Variants in CSMD3 observed in about 807,000 individuals in gnomAD.
CSMD3 encodes the protein CUB and sushi domain-containing protein 3.
CSMD3 carries 177 observed loss-of-function variants against 435.2 expected under a neutral mutation model. The observed-to-expected ratio is 0.41, with a 90% confidence interval of 0.36 to 0.46. The LOEUF (loss-of-function observed/expected upper bound fraction) is 0.46. CSMD3 is among the 20% of genes least tolerant of loss of function. The pLI, the probability that CSMD3 is intolerant of heterozygous loss-of-function variation, is 0.34. For missense variants in CSMD3, 4,265 were observed against 4,504.6 expected (o/e 0.95, Z 1.52); for synonymous variants, 1,656 against 1,520.5 (o/e 1.09, Z -2.07).
intron 13 of CSMD3, among the ~76,000 whole-genome samples, chr8:112,797,741 C>T (rs1325660059): frequency 1.3e-5 from 2 of 151,676 alleles, no homozygotes; most frequent in Non-Finnish European, 3.0e-5. Context: ...AAACTATGTG[C>T]ACATCAAAAT....
chr8:113,155,128 A>C (rs2131808292), intron 4 of CSMD3, among the ~76,000 whole-genome samples: 1 of 152,208 alleles, frequency 6.6e-6, no homozygotes, highest in South Asian at 2.1e-4. Flanking sequence ...ACTGTAAAGC[A>C]ACAAGTAAAG....
intron 10 of CSMD3, among the ~76,000 whole-genome samples, chr8:112,894,425 A>T (rs1467502741): frequency 6.6e-6 from 1 of 151,366 alleles, no homozygotes; most frequent in Non-Finnish European, 1.5e-5. Flanking sequence ...GTATAAAAAT[A>T]AAAGATAATA....
rs905641982 is a variant in CSMD3, at chr8:112,882,297, T to C, written c.1634-23031A>G. Among the ~76,000 whole-genome samples the C allele has an allele frequency of 9.2e-5, 14 of 151,972 alleles. 1 individual carries two copies. The highest frequency in any genetic ancestry group is 4.4e-5 in the Non-Finnish European group (3 of 67,950). On this transcript the variant is annotated intron_variant, in intron 10 of 70. Coordinates refer to ENST00000297405, the MANE Select transcript of CSMD3 (RefSeq NM_198123.2). ...TCTCCCCAGGTAGCTTCCTTCACCC[T>C]GACAATGTAAATTAACAGCTTCTCT...
chr8:112,597,060 A>G (rs1831799786), intron 22 of CSMD3, among the ~76,000 whole-genome samples: 1 of 152,196 alleles, frequency 6.6e-6, no homozygotes. Context: ...AGTCTTCAAA[A>G]AATTAATGAA....
At chr8:112,976,917 G>T (rs959387723) in intron 6 of CSMD3, among the ~76,000 whole-genome samples, 3 of 151,890 alleles carry the variant, frequency 2.0e-5, no homozygotes, top group African/African-American at 7.2e-5. Flanking sequence ...TTAACAATTG[G>T]TTGGGAATTT....
rs1292062898 is a variant in CSMD3, at chr8:112,702,190, A to G, written c.1973-12140T>C. ...CCTGACACAGCCCTATGAGGACCCCAAAAGTTAAAGGATTTGTCCAACGAC... is the reference window on the plus strand; with the variant it reads ...CCTGACACAGCCCTATGAGGACCCCGAAAGTTAAAGGATTTGTCCAACGAC... On this transcript the variant is annotated intron_variant, in intron 13 of 70. Coordinates refer to ENST00000297405, the MANE Select transcript of CSMD3 (RefSeq NM_198123.2). Among the ~76,000 whole-genome samples the G allele has an allele frequency of 2.0e-5, 3 of 152,138 alleles. No homozygotes were observed. The East Asian group carries it at 5.8e-4, about 29-fold the overall frequency.
chr8:112,350,356 CTT>C (rs1456052274), intron 40 of CSMD3, among the ~76,000 whole-genome samples: 1 of 147,454 alleles, frequency 6.8e-6, no homozygotes, highest in Non-Finnish European at 1.5e-5. Context: ...CTTAATTAGA[CTT>C]ATTATCCAAA....
intron 10 of CSMD3, among the ~76,000 whole-genome samples, chr8:112,893,116 C>T (rs1417595283): frequency 1.3e-5 from 2 of 151,234 alleles, no homozygotes; most frequent in Non-Finnish European, 3.0e-5. Context: ...ACTACTACTA[C>T]AACTACTACT....
intron 32 of CSMD3, among the ~76,000 whole-genome samples, chr8:112,447,042 T>C (rs1815686468): frequency 6.6e-6 from 1 of 152,176 alleles, no homozygotes; most frequent in Non-Finnish European, 1.5e-5. Flanking sequence ...TTTTAAAGAG[T>C]GTAATACTCA....
At chr8:112,829,021 A>T (rs1200949200) in intron 12 of CSMD3, among the ~76,000 whole-genome samples, 1 of 152,132 alleles carries the variant, frequency 6.6e-6, no homozygotes, top group African/African-American at 2.4e-5. Flanking sequence ...AAATAAAAAG[A>T]AGAGGGAGAA....
At chr8:112,499,285 T>G (rs1220967416) in intron 30 of CSMD3, among the ~76,000 whole-genome samples, 1 of 152,066 alleles carries the variant, frequency 6.6e-6, no homozygotes, top group Admixed American at 6.5e-5. Context: ...GCAACTTATA[T>G]GCACCTGAAA....
intron 32 of CSMD3, among the ~76,000 whole-genome samples, chr8:112,438,436 T>A (rs986666859): frequency 2.0e-5 from 3 of 152,200 alleles, no homozygotes; most frequent in African/African-American, 7.2e-5. Flanking sequence ...ATTAATCTCA[T>A]TGATGTCTCA....
intron 18 of CSMD3, among the ~76,000 whole-genome samples, chr8:112,651,569 G>A (rs569333806): frequency 7.9e-5 from 11 of 139,258 alleles, no homozygotes; most frequent in Non-Finnish European, 9.2e-5. Flanking sequence ...ACGGAGTCTC[G>A]CTTTGTCGCC....
intron 2 of CSMD3, among the ~76,000 whole-genome samples, chr8:113,281,509 T>A (rs2093612649): frequency 6.6e-6 from 1 of 151,852 alleles, no homozygotes; most frequent in African/African-American, 2.4e-5. Flanking sequence ...TATCCATTTG[T>A]ATGAAATGTC....
intron 1 of CSMD3, among the ~76,000 whole-genome samples, chr8:113,410,900 T>TGAAAGAA (rs1306552752): frequency 2.8e-4 from 30 of 105,396 alleles, no homozygotes; most frequent in Non-Finnish European, 4.8e-4. Context: ...CAAAACCCTG[T>TGAAAGAA]GAAAGAAAGA....
At chr8:112,384,319 G>A (rs772314389) in intron 36 of CSMD3, among the ~76,000 whole-genome samples, 58 of 152,010 alleles carry the variant, frequency 3.8e-4, no homozygotes, top group African/African-American at 1.9e-4. Flanking sequence ...TAGTAACTAC[G>A]TCACAGTGAA....
At chr8:112,640,184 C>A (rs947731613) in intron 20 of CSMD3, among the ~76,000 whole-genome samples, 5 of 152,028 alleles carry the variant, frequency 3.3e-5, no homozygotes, top group African/African-American at 1.2e-4. Flanking sequence ...AGACTAATGA[C>A]TTCACACAAA....
chr8:113,289,826 T>C (rs2093673439), intron 2 of CSMD3, among the ~76,000 whole-genome samples: 1 of 151,870 alleles, frequency 6.6e-6, no homozygotes, highest in South Asian at 2.1e-4. Flanking sequence ...ATTTCCCATA[T>C]TGACAATTTT....
rs115950554 is a variant in CSMD3, at chr8:113,015,704, C to A, written c.1030+3363G>T. Among the ~76,000 whole-genome samples the A allele has an allele frequency of 8.6e-3, 1,302 of 151,764 alleles. 16 individuals carry two copies. The highest frequency in any genetic ancestry group is 0.03 in the African/African-American group (1,233 of 41,522). ...TATTGAGCCTTATGAAATAAAAATA[C>A]TTTTAATTAAAATCTTCTATAGGTA... is the stretch of plus-strand genomic sequence containing the variant. On this transcript the variant is annotated intron_variant, in intron 6 of 70. Transcript: ENST00000297405.
Sources: gnomAD v4.1 joint callset for allele counts (sites outside exome capture counted in the v4.1 genomes callset) on GRCh38, gnomAD v4.1.1 for gene constraint, MANE v1.5 for transcripts, NCBI Gene and HGNC (gene_info 2026-07-23, HGNC 2026-07-21) for gene names.